The following TRAPPC10 variants were observed in gnomAD, a reference collection of about 807,000 sequenced individuals.
The protein encoded by TRAPPC10 is trafficking protein particle complex subunit 10, also known as TRAPP 130 kDa subunit.
Under a neutral mutation model 125.5 loss-of-function variants are expected in TRAPPC10, and 23 were observed. The observed-to-expected ratio is 0.18, with a 90% CI of 0.13 to 0.26. The LOEUF is 0.26. TRAPPC10 is among the 10% of genes least tolerant of loss of function. TRAPPC10 has a pLI of 1.00. For missense variants in TRAPPC10, 1,123 were observed against 1,308.4 expected (o/e 0.86, Z 2.19); for synonymous variants, 509 against 518.0 (o/e 0.98, Z 0.24).
intron 1 of TRAPPC10, among the ~76,000 whole-genome samples, chr21:44,028,892 G>A (rs1208399506): frequency 1.3e-5 from 2 of 152,096 alleles, no homozygotes; most frequent in Admixed American, 6.5e-5. Context: ...TCTGTTGCCC[G>A]TGGGATTAAA....
chr21:44,076,958 A>G (rs1253873395), intron 10 of TRAPPC10, among the ~76,000 whole-genome samples: 2 of 152,218 alleles, frequency 1.3e-5, no homozygotes, highest in African/African-American at 2.4e-5. Context: ...GGGCAGAGCT[A>G]TTGTATTTGA....
rs1405527563 is a variant in TRAPPC10 at position 44,077,891 on chromosome 21, AGT to A, written c.1469+110_1469+111del. On this transcript the variant is annotated intron_variant, in intron 11 of 22. Transcript: ENST00000291574. ...GTGCACATAAATTTGTAGACTGAAAAGTGTAGATTCTCTTACCCAGTCCTCAT... is the reference window on the plus strand; with the variant it reads ...GTGCACATAAATTTGTAGACTGAAAAGTAGATTCTCTTACCCAGTCCTCAT... 8 of 787,124 alleles carry A rather than the reference AGT, an allele frequency of 1.0e-5. No individual in the cohort carries two copies. The African/African-American group carries it at 1.1e-4, about 10-fold the overall frequency. The allele number at this position is 787,124 out of a possible 1,614,324, so 48.8% of individuals were successfully genotyped here.
chr21:44,026,120 T>G (rs1440652902), intron 1 of TRAPPC10, among the ~76,000 whole-genome samples: 1 of 152,056 alleles, frequency 6.6e-6, no homozygotes, highest in Non-Finnish European at 1.5e-5. Flanking sequence ...CCTAGTCATC[T>G]TAGGGGGTGA....
intron 3 of TRAPPC10, among the ~76,000 whole-genome samples, chr21:44,043,377 C>T (rs921483281): frequency 6.6e-6 from 1 of 151,854 alleles, no homozygotes; most frequent in Non-Finnish European, 1.5e-5. Flanking sequence ...CCACCCCTGG[C>T]TAATTTTTGT....
At chr21:44,089,805 TGA>T in intron 17 of TRAPPC10, 26 bp from the exon 18 acceptor site, 2 of 1,590,724 alleles carry the variant, frequency 1.3e-6, no homozygotes, top group Non-Finnish European at 1.7e-6. Flanking sequence ...GCGAGTGGTC[TGA>T]GAGTGTCTTT....
intron 1 of TRAPPC10, among the ~76,000 whole-genome samples, chr21:44,022,886 C>T (rs1390212793): frequency 6.6e-6 from 1 of 151,868 alleles, no homozygotes; most frequent in African/African-American, 2.4e-5. Context: ...GTCGGCAGGA[C>T]TTTATCATGG....
chr21:44,042,009 G>GC (rs1464364232), intron 3 of TRAPPC10, among the ~76,000 whole-genome samples: 7 of 152,110 alleles, frequency 4.6e-5, no homozygotes, highest in Admixed American at 2.6e-4. Context: ...ACGGCGCCCA[G>GC]CCCCCATCAT....
intron 19 of TRAPPC10, among the ~76,000 whole-genome samples, chr21:44,092,274 C>G (rs539693287): frequency 6.6e-6 from 1 of 152,330 alleles, no homozygotes; most frequent in African/African-American, 2.4e-5. Flanking sequence ...AGAATTAAAT[C>G]TGAAACTGGT....
chr21:44,083,438 T>C, intron 14 of TRAPPC10, 136 bp downstream of exon 14: 1 of 924,532 alleles, frequency 1.1e-6, no homozygotes. Flanking sequence ...TCTGTCCTTA[T>C]ACAAAAATAC....
intron 9 of TRAPPC10, among the ~76,000 whole-genome samples, chr21:44,075,938 A>G (rs973533665): frequency 1.1e-4 from 17 of 152,076 alleles, no homozygotes; most frequent in African/African-American, 4.1e-4. Context: ...AATCCCAGCT[A>G]TTCGGGAGGC....
Position 44,063,456 on chromosome 21 carries a change from C to T in TRAPPC10, c.791-82C>T. The stretch of plus-strand genomic sequence containing the variant: ...AACTGGTTATGAAGCTGCCTGTTTG[C>T]CCACCATCCTCAGCCTGAGCAGGAA... On this transcript the variant is annotated intron_variant, in intron 6 of 22. Transcript: ENST00000291574. This position sits in a 1 kb window ranked among gnomAD's most constrained non-coding sequence, Gnocchi z 4.4. 6.5e-7 allele frequency: 1 copy of T among 1,548,922 alleles called. No individual in the cohort carries two copies. The highest frequency in any genetic ancestry group is 8.7e-7 in the Non-Finnish European group (1 of 1,146,256).
chr21:44,048,797 GTTTTT>G (rs34892092), intron 3 of TRAPPC10, among the ~76,000 whole-genome samples: 21 of 105,600 alleles, frequency 2.0e-4, no homozygotes, highest in Admixed American at 5.7e-4. Flanking sequence ...CCCACCCTGT[GTTTTT>G]TTTTTTTTTT....
intron 17 of TRAPPC10, 86 bp from the exon 18 acceptor site, chr21:44,089,747 A>G: frequency 1.1e-6 from 1 of 935,454 alleles, no homozygotes; most frequent in Middle Eastern, 2.1e-4. Context: ...GTGGGCGGGC[A>G]CTGCAGGTGA....
At chr21:44,080,917 T>G (rs1387635291) in intron 13 of TRAPPC10, among the ~76,000 whole-genome samples, 1 of 151,732 alleles carries the variant, frequency 6.6e-6, no homozygotes, top group Non-Finnish European at 1.5e-5. Flanking sequence ...ACAAACCATG[T>G]AATTCACTCA....
chr21:44,054,001 T>TA (rs1293535809), intron 4 of TRAPPC10, among the ~76,000 whole-genome samples: 1 of 152,214 alleles, frequency 6.6e-6, no homozygotes, highest in Non-Finnish European at 1.5e-5. Context: ...TGAAAACAGT[T>TA]ACTGTTTTGG....
chr21:44,052,519 CATG>C (rs747312827), intron 4 of TRAPPC10, 43 bp downstream of exon 4: 21 of 1,530,630 alleles, frequency 1.4e-5, no homozygotes, highest in Admixed American at 2.0e-5. Flanking sequence ...TAATACTTGA[CATG>C]ATACAGATTG....
chr21:44,074,246 A>G, intron 7 of TRAPPC10, 78 bp from the exon 8 acceptor site: 2 of 1,576,704 alleles, frequency 1.3e-6, no homozygotes, highest in South Asian at 2.3e-5. Flanking sequence ...TTGCACGTTC[A>G]AGCTAGAGCA....
At chr21:44,033,318 A>C (rs781686040) in intron 2 of TRAPPC10, among the ~76,000 whole-genome samples, 8 of 152,210 alleles carry the variant, frequency 5.3e-5, no homozygotes, top group Non-Finnish European at 8.8e-5. Context: ...TGACTTACCC[A>C]GGTGAATATA....
intron 1 of TRAPPC10, among the ~76,000 whole-genome samples, chr21:44,018,634 G>A (rs909865756): frequency 6.6e-5 from 10 of 151,722 alleles, no homozygotes; most frequent in Non-Finnish European, 1.2e-4. Flanking sequence ...GGGAGGCGGA[G>A]GTTGCAGTGA....
Sources: allele counts gnomAD v4.1 joint callset (sites outside exome capture counted in the v4.1 genomes callset), GRCh38; gene constraint gnomAD v4.1.1; non-coding constraint Gnocchi (gnomAD v3.1); transcripts MANE v1.5; gene names NCBI Gene and HGNC (gene_info 2026-07-23, HGNC 2026-07-21).